STT3B: variants seen among roughly 807,000 people sequenced by gnomAD.
The protein encoded by STT3B is STT3 oligosaccharyltransferase complex catalytic subunit B.
STT3B carries 29 observed loss-of-function variants against 96.8 expected under a neutral mutation model. That is an observed-to-expected ratio of 0.30 (90% CI 0.22 to 0.41). The LOEUF (loss-of-function observed/expected upper bound fraction) is 0.41, where lower values mean the gene tolerates loss of function less well. STT3B is among the 10% of genes least tolerant of loss of function. The pLI is 1.00. For missense variants in STT3B, 640 were observed against 1,022.3 expected, an observed-to-expected ratio of 0.63 and a Z score of 5.10; for synonymous variants, 367 against 360.0, an observed-to-expected ratio of 1.02 and a Z score of -0.22.
intron 5 of STT3B, among the ~76,000 whole-genome samples, chr3:31,607,759 G>GTTA (rs56203071): frequency 6.7e-6 from 1 of 148,984 alleles, no homozygotes; most frequent in East Asian, 1.9e-4. Context: ...GGGGGTTGTT[G>GTTA]TGGTTGTTGT....
intron 2 of STT3B, among the ~76,000 whole-genome samples, 192 bp from the exon 3 acceptor site, chr3:31,579,617 G>T (rs1698339738): frequency 6.6e-6 from 1 of 150,846 alleles, no homozygotes; most frequent in Middle Eastern, 3.4e-3. Flanking sequence ...CTCCAGATAT[G>T]AGCTAGTTCT....
At chr3:31,582,300 CT>C (rs11430589) in intron 3 of STT3B, among the ~76,000 whole-genome samples, 87 of 139,224 alleles carry the variant, frequency 6.2e-4, no homozygotes, top group Non-Finnish European at 6.6e-4. Flanking sequence ...TTCTTTCCTT[CT>C]TTTTTTTTTT....
intron 1 of STT3B, among the ~76,000 whole-genome samples, chr3:31,547,292 T>C (rs774072521): frequency 6.6e-6 from 1 of 152,276 alleles, no homozygotes; most frequent in South Asian, 2.1e-4. Flanking sequence ...AGTGGCGAAA[T>C]ATTTTGCAAA....
At chr3:31,566,576 A>G (rs979623846) in intron 1 of STT3B, among the ~76,000 whole-genome samples, 2 of 152,164 alleles carry the variant, frequency 1.3e-5, no homozygotes, top group Non-Finnish European at 1.5e-5. Flanking sequence ...CTCCACCTCA[A>G]GGCCTTTGCA....
chr3:31,605,468 TG>T, intron 5 of STT3B, among the ~76,000 whole-genome samples: 1 of 150,862 alleles, frequency 6.6e-6, no homozygotes, highest in Non-Finnish European at 1.5e-5. Context: ...AATTGAATCA[TG>T]GGGGTGGTTT....
chr3:31,557,140 A>G (rs1028132526), intron 1 of STT3B, among the ~76,000 whole-genome samples: 14 of 152,176 alleles, frequency 9.2e-5, no homozygotes, highest in African/African-American at 3.1e-4. Context: ...ATTGAAGACT[A>G]TGTCCTTTCC....
intron 1 of STT3B, among the ~76,000 whole-genome samples, chr3:31,562,090 C>A (rs1032581938): frequency 6.6e-6 from 1 of 152,078 alleles, no homozygotes; most frequent in South Asian, 2.1e-4. Flanking sequence ...TGACAGCGTT[C>A]GTGCATCCAG....
At chr3:31,582,455 T>G (rs1698429824) in intron 3 of STT3B, among the ~76,000 whole-genome samples, 1 of 151,724 alleles carries the variant, frequency 6.6e-6, no homozygotes, top group Admixed American at 6.6e-5. Flanking sequence ...CCACTACGTG[T>G]GGCTAATTTT....
intron 5 of STT3B, among the ~76,000 whole-genome samples, chr3:31,605,804 C>T (rs566680915): frequency 5.8e-4 from 88 of 152,286 alleles, no homozygotes; most frequent in African/African-American, 1.8e-3. Context: ...AACTGGGTAA[C>T]AGACAGATAG....
chr3:31,611,835 A>AT (rs753290306), intron 5 of STT3B, among the ~76,000 whole-genome samples: 9 of 151,670 alleles, frequency 5.9e-5, no homozygotes, highest in Admixed American at 1.3e-4. Context: ...TTACTTCACC[A>AT]TTTTTTTTAC....
intron 1 of STT3B, among the ~76,000 whole-genome samples, chr3:31,566,093 A>G (rs1418329586): frequency 6.6e-6 from 1 of 152,234 alleles, no homozygotes; most frequent in Non-Finnish European, 1.5e-5. Context: ...AGGTAAGGTT[A>G]TATAAGATGG....
chr3:31,613,321 G>T (rs1699226966), intron 5 of STT3B, among the ~76,000 whole-genome samples: 1 of 152,044 alleles, frequency 6.6e-6, no homozygotes, highest in Admixed American at 6.5e-5. Flanking sequence ...TTTGTACTTA[G>T]AAGAAAGAAA....
intron 5 of STT3B, among the ~76,000 whole-genome samples, chr3:31,609,397 T>C (rs1428139020): frequency 1.3e-5 from 2 of 152,192 alleles, no homozygotes; most frequent in Admixed American, 1.3e-4. Flanking sequence ...TTTTTCATAG[T>C]CTCCAAACAC....
intron 13 of STT3B, among the ~76,000 whole-genome samples, chr3:31,628,551 G>A (rs979272274): frequency 6.6e-6 from 1 of 151,978 alleles, no homozygotes; most frequent in African/African-American, 2.4e-5. Context: ...CCTGGAAAAG[G>A]AATTTCTGAC....
intron 1 of STT3B, among the ~76,000 whole-genome samples, chr3:31,558,940 G>A (rs1485742637): frequency 6.6e-6 from 1 of 151,038 alleles, no homozygotes; most frequent in African/African-American, 2.4e-5. Flanking sequence ...GTTTCCTGTA[G>A]GTTCTCTAGA....
chr3:31,615,272 A>G (rs1699282010), intron 6 of STT3B, 69 bp downstream of exon 6: 1 of 1,182,272 alleles, frequency 8.5e-7, no homozygotes, highest in African/African-American at 1.6e-5. Context: ...CTTCCAAGAG[A>G]TGACAGTTTT....
At chr3:31,587,106 T>TC (rs1279322671) in intron 3 of STT3B, among the ~76,000 whole-genome samples, 21 of 152,256 alleles carry the variant, frequency 1.4e-4, no homozygotes, top group Non-Finnish European at 2.1e-4. Context: ...CTATAATTTT[T>TC]CCTTTACGTA....
chr3:31,534,912 C>T (rs1356028606), intron 1 of STT3B, among the ~76,000 whole-genome samples: 4 of 152,154 alleles, frequency 2.6e-5, no homozygotes, highest in Admixed American at 1.3e-4. Flanking sequence ...GGCTTATTGA[C>T]ACAATATTAT....
At chr3:31,547,639 C>A (rs1330885419) in intron 1 of STT3B, among the ~76,000 whole-genome samples, 1 of 152,202 alleles carries the variant, frequency 6.6e-6, no homozygotes, top group Non-Finnish European at 1.5e-5. Context: ...GAACGAGAGT[C>A]CATCTCAGAA....
Sources: gnomAD v4.1 joint callset for allele counts (sites outside exome capture counted in the v4.1 genomes callset) on GRCh38, gnomAD v4.1.1 for gene constraint, MANE v1.5 for transcripts, NCBI Gene and HGNC (gene_info 2026-07-23, HGNC 2026-07-21) for gene names.